Variants in MAOB observed in about 807,000 individuals in gnomAD.
The protein encoded by MAOB is amine oxidase [flavin-containing] B.
Under a neutral mutation model 41.9 loss-of-function variants are expected in MAOB, and 15 were observed. The ratio of observed to expected loss-of-function variants is 0.36; its 90% CI spans 0.24 to 0.55. MAOB has a LOEUF of 0.55. Among genes scored for constraint, MAOB ranks in the 20% least tolerant of loss-of-function variants. The probability of loss-of-function intolerance (pLI) is 0.86; values close to 1 mark genes in which losing one functional copy is unlikely to be tolerated. For synonymous variants in MAOB, 167 were observed against 144.2 expected (o/e 1.16, Z -1.13); for missense variants, 345 against 398.7 (o/e 0.87, Z 1.15).
intron 1 of MAOB, among the ~76,000 whole-genome samples, chrX:43,856,568 A>G (rs1420223739): frequency 8.9e-6 from 1 of 111,923 alleles, no homozygotes; most frequent in Non-Finnish European, 1.9e-5. Flanking sequence ...CCAAAACTCA[A>G]TTACTGTTAG....
intron 2 of MAOB, among the ~76,000 whole-genome samples, chrX:43,841,017 C>A (rs2035130771): frequency 9.1e-6 from 1 of 109,595 alleles, no homozygotes; most frequent in African/African-American, 3.3e-5. Context: ...AGATCCCACC[C>A]CTGCACATGT....
intron 3 of MAOB, among the ~76,000 whole-genome samples, chrX:43,817,189 C>T (rs746600119): frequency 3.7e-5 from 4 of 107,581 alleles, no homozygotes; most frequent in African/African-American, 6.8e-5. Flanking sequence ...CTGACCAAAA[C>T]GATTCTTTGG....
intron 1 of MAOB, among the ~76,000 whole-genome samples, chrX:43,878,168 CT>C (rs1396631468): frequency 9.0e-6 from 1 of 111,341 alleles, no homozygotes; most frequent in Non-Finnish European, 1.9e-5. Context: ...GGTTATGTAC[CT>C]TTTAAGGTTC....
At chrX:43,805,884 G>A (rs1290666830) in intron 3 of MAOB, among the ~76,000 whole-genome samples, 1 of 112,172 alleles carries the variant, frequency 8.9e-6, no homozygotes, top group Non-Finnish European at 1.9e-5. Flanking sequence ...ATTACCAACA[G>A]CAATGCATGA....
intron 3 of MAOB, among the ~76,000 whole-genome samples, chrX:43,837,101 A>T (rs1425690878): frequency 8.9e-6 from 1 of 112,411 alleles, no homozygotes; most frequent in Non-Finnish European, 1.9e-5. Context: ...ATCTCTGGTC[A>T]TTTCCTTTGT....
intron 11 of MAOB, among the ~76,000 whole-genome samples, chrX:43,778,228 A>C (rs1040046215): frequency 1.8e-5 from 2 of 110,480 alleles, no homozygotes; most frequent in African/African-American, 6.6e-5. Flanking sequence ...ACAGTGGGGG[A>C]TGGGGTAGGT....
At chrX:43,778,221 G>T (rs1323083691) in intron 11 of MAOB, among the ~76,000 whole-genome samples, 3 of 111,162 alleles carry the variant, frequency 2.7e-5, no homozygotes, top group African/African-American at 9.8e-5. Flanking sequence ...CTGTGAGACA[G>T]TGGGGGATGG....
At position 43,778,689 on chromosome X, in the gene MAOB, G is replaced by C. The variant is rs1305784743; in HGVS notation, c.1130C>G (p.Ala377Gly). ...LYAKVLGSLEALEPVHYEEKN... is the reference protein window; with the variant it reads ...LYAKVLGSLEGLEPVHYEEKN... Reference sequence around the variant, plus strand: ...GTTGGGAAGCAGCCTTACCTCCAGAGCTTCTAGGGAACCCAGAACCTTGGC... The same window carrying C: ...GTTGGGAAGCAGCCTTACCTCCAGACCTTCTAGGGAACCCAGAACCTTGGC... The change falls in exon 11 of 15, where the codon GCT becomes GGT. Residue 377 changes from alanine (A) to glycine (G), a missense_variant. By Grantham distance (60) the Ala-to-Gly change is moderately conservative (BLOSUM62 0). Coordinates refer to ENST00000378069, the MANE Select transcript of MAOB (RefSeq NM_000898.5). The C allele has an allele frequency of 8.3e-7, 1 of 1,206,388 alleles. No individual in the cohort carries two copies. The highest frequency in any genetic ancestry group is 1.1e-6 in the Non-Finnish European group (1 of 892,113).
chrX:43,780,300 A>G (rs1209520813), intron 10 of MAOB, 42 bp downstream of exon 10: 8 of 1,095,094 alleles, frequency 7.3e-6, no homozygotes, highest in Non-Finnish European at 1.0e-5. Flanking sequence ...AGTGGGGGGG[A>G]AAGGAAGGAA....
At chrX:43,805,057 T>C (rs1160627425) in intron 3 of MAOB, among the ~76,000 whole-genome samples, 9 of 111,560 alleles carry the variant, frequency 8.1e-5, no homozygotes, top group Non-Finnish European at 1.5e-4. Context: ...AAACTGTATA[T>C]ATTTACAATA....
chrX:43,871,874 A>G (rs1229521183), intron 1 of MAOB, among the ~76,000 whole-genome samples: 2 of 110,713 alleles, frequency 1.8e-5, no homozygotes, highest in African/African-American at 3.3e-5. Flanking sequence ...ACAGTCGACT[A>G]TATCTTATGG....
chrX:43,789,086 T>C (rs1294474942), intron 8 of MAOB, among the ~76,000 whole-genome samples: 14 of 112,044 alleles, frequency 1.2e-4, no homozygotes, highest in Non-Finnish European at 5.6e-5. Flanking sequence ...ATACACATAG[T>C]CTGAAGGTAA....
chrX:43,795,965 T>A, intron 6 of MAOB, 77 bp from the exon 7 acceptor site: 1 of 1,010,180 alleles, frequency 9.9e-7, no homozygotes, highest in South Asian at 2.5e-5. Context: ...TCCTCACATA[T>A]GTCTACTCTG....
chrX:43,872,852 A>G (rs1407703689), intron 1 of MAOB, among the ~76,000 whole-genome samples: 12 of 112,266 alleles, frequency 1.1e-4, no homozygotes, highest in Non-Finnish European at 1.9e-5. Context: ...ATGGAGTTCA[A>G]TTATGGATGA....
At position 43,803,398 on chromosome X, in the gene MAOB, A is replaced by C; in HGVS notation, c.286T>G (p.Ser96Ala). Reference protein sequence around the residue: ...ERLIHHVKGKSYPFRGPFPPV... With the variant: ...ERLIHHVKGKAYPFRGPFPPV... ...GGGAATGGCCCCCTGAAGGGGTATGATTTGCCCTGTGAGATACAAGATATT... is the reference window on the plus strand; with the variant it reads ...GGGAATGGCCCCCTGAAGGGGTATGCTTTGCCCTGTGAGATACAAGATATT... Residue 96 changes from serine (S) to alanine (A), a missense_variant, in exon 4 of 15, where the codon TCA becomes GCA. Coordinates refer to ENST00000378069, the MANE Select transcript of MAOB (RefSeq NM_000898.5). The C allele has an allele frequency of 8.5e-7, 1 of 1,172,940 alleles. No individual in the cohort carries two copies. The highest frequency in any genetic ancestry group is 2.0e-5 in the South Asian group (1 of 49,069).
At chrX:43,878,414 G>A (rs1002288622) in intron 1 of MAOB, among the ~76,000 whole-genome samples, 28 of 106,459 alleles carry the variant, frequency 2.6e-4, no homozygotes, top group African/African-American at 9.6e-4. Context: ...GCCTTTGTGT[G>A]TGTGTGTGTG....
At chrX:43,789,401 A>G (rs2034437510) in intron 8 of MAOB, among the ~76,000 whole-genome samples, 1 of 112,499 alleles carries the variant, frequency 8.9e-6, no homozygotes, top group African/African-American at 3.2e-5. Flanking sequence ...TGGTCATTAT[A>G]TTTATTTCTG....
At chrX:43,867,196 C>A (rs1278936637) in intron 1 of MAOB, among the ~76,000 whole-genome samples, 1 of 111,885 alleles carries the variant, frequency 8.9e-6, no homozygotes, top group Non-Finnish European at 1.9e-5. Flanking sequence ...TGGCTGGAAA[C>A]CTGGCCAGAA....
intron 7 of MAOB, among the ~76,000 whole-genome samples, chrX:43,794,582 T>G: frequency 9.0e-6 from 1 of 111,121 alleles, no homozygotes; most frequent in Admixed American, 9.6e-5. Context: ...GTCAGGCACA[T>G]AGGAGGTGCT....
Sources: allele counts gnomAD v4.1 joint callset (sites outside exome capture counted in the v4.1 genomes callset), GRCh38; gene constraint gnomAD v4.1.1; transcripts MANE v1.5; gene names NCBI Gene and HGNC (gene_info 2026-07-23, HGNC 2026-07-21).